MGST1: variants seen among roughly 807,000 people sequenced by gnomAD.
MGST1 encodes the protein glutathione S-transferase 12.
In MGST1, 5 loss-of-function variants were observed where a neutral mutation model predicts 8.9. That is an observed-to-expected ratio of 0.56 (90% confidence interval 0.29 to 1.19). The LOEUF (loss-of-function observed/expected upper bound fraction) is 1.19, where lower values mean the gene tolerates loss of function less well. Among genes scored for constraint, MGST1 ranks in the 50% most tolerant of loss-of-function variants. The pLI is 0.08. For synonymous variants in MGST1, 54 were observed against 67.8 expected (o/e 0.80, Z 1.00); for missense variants, 182 against 187.4 (o/e 0.97, Z 0.17).
At position 16,580,161 on chromosome 12, in the gene MGST1, T is replaced by G. The variant is rs576622424; in HGVS notation, n.483-9367T>G. On this transcript the variant is annotated intron_variant and non_coding_transcript_variant, in intron 4 of 4. Transcript: ENST00000538857. The stretch of plus-strand genomic sequence containing the variant: ...TTTATTTTTTAATAGAGATGGGATC[T>G]CTCTATGTTGCCCAGGCTGGCCTCC... Among the ~76,000 whole-genome samples the G allele has an allele frequency of 1.2e-4, 19 of 152,298 alleles. 1 individual carries two copies. The highest frequency in any genetic ancestry group is 3.4e-3 in the Middle Eastern group (1 of 294).
chr12:16,558,230 G>A (rs1184661720), intron 4 of MGST1, among the ~76,000 whole-genome samples: 1 of 151,974 alleles, frequency 6.6e-6, no homozygotes, highest in Non-Finnish European at 1.5e-5. Flanking sequence ...AACATGTATG[G>A]CTGGCTATAT....
Position 16,401,096 on chromosome 12 carries a change from C to T in MGST1, n.778+17492C>T. ...AAAAGGTCCTCTGCCTCATCTTTCT[C>T]CTCCTCCTCCTTTTCCTCATCTTCG... On this transcript the variant is annotated intron_variant and non_coding_transcript_variant, in intron 1 of 1. Coordinates refer to the MGST1 transcript ENST00000359720. This position sits in a 1 kb window ranked among gnomAD's most constrained non-coding sequence, Gnocchi z 4.3. 1 of 1,582,694 alleles carries T rather than the reference C, an allele frequency of 6.3e-7. No homozygotes were observed. The highest frequency in any genetic ancestry group is 8.7e-7 in the Non-Finnish European group (1 of 1,152,244).
intron 4 of MGST1, chr12:16,550,963 A>C: frequency 2.5e-6 from 1 of 392,658 alleles, no homozygotes; most frequent in Non-Finnish European, 4.6e-6. Flanking sequence ...TCTCATGCCA[A>C]GTGACACAAA....
At chr12:16,415,501 C>A (rs772098101) in intron 1 of MGST1, among the ~76,000 whole-genome samples, 5 of 152,206 alleles carry the variant, frequency 3.3e-5, no homozygotes, top group Non-Finnish European at 7.3e-5. Context: ...CCAGCCTACT[C>A]AACATGGAAA....
chr12:16,492,215 G>C (rs1469831596), intron 4 of MGST1, among the ~76,000 whole-genome samples: 1 of 152,086 alleles, frequency 6.6e-6, no homozygotes, highest in East Asian at 1.9e-4. Context: ...AAATAAAATA[G>C]GTGATAATGT....
At chr12:16,558,237 A>C (rs1438587662) in intron 4 of MGST1, among the ~76,000 whole-genome samples, 1 of 152,082 alleles carries the variant, frequency 6.6e-6, no homozygotes, top group East Asian at 1.9e-4. Context: ...ATGGCTGGCT[A>C]TATATCAAAA....
chr12:16,461,500 C>G (rs1941220887), intron 4 of MGST1, among the ~76,000 whole-genome samples: 2 of 152,046 alleles, frequency 1.3e-5, no homozygotes, highest in Admixed American at 1.3e-4. Flanking sequence ...TGTTTTAAAG[C>G]ATGTCAATTT....
intron 4 of MGST1, among the ~76,000 whole-genome samples, chr12:16,455,474 C>T (rs2137118034): frequency 6.6e-6 from 1 of 151,422 alleles, no homozygotes; most frequent in Middle Eastern, 3.4e-3. Flanking sequence ...CAGCACTTGG[C>T]AGGTATTTAA....
At chr12:16,429,840 G>C (rs111701157) in intron 1 of MGST1, among the ~76,000 whole-genome samples, 387 of 152,176 alleles carry the variant, frequency 2.5e-3, no homozygotes, top group African/African-American at 8.9e-3. Flanking sequence ...TTGAAAGTTG[G>C]GGTGGCTGTG....
chr12:16,584,209 C>A lies in MGST1; in HGVS notation n.483-5319C>A, dbSNP rs1943249352. On this transcript the variant is annotated intron_variant and non_coding_transcript_variant, in intron 4 of 4. Coordinates refer to the MGST1 transcript ENST00000538857. The surrounding 1 kb of genome is among the most constrained non-coding windows in gnomAD (Gnocchi z 5.2). ...GATGTACGAGTTTTGTTGGAGGATGCATTTTTTAGTAGTGAGTGGGGAGAG... is the reference window on the plus strand; with the variant it reads ...GATGTACGAGTTTTGTTGGAGGATGAATTTTTTAGTAGTGAGTGGGGAGAG... Among the ~76,000 whole-genome samples, 1 of 152,012 alleles carries A rather than the reference C, an allele frequency of 6.6e-6. No homozygotes were observed. The highest frequency in any genetic ancestry group is 1.5e-5 in the Non-Finnish European group (1 of 68,008).
downstream of MGST1, chr12:16,364,419 G>T (rs1295436659): frequency 1.0e-6 from 1 of 982,848 alleles, no homozygotes; most frequent in Non-Finnish European, 1.2e-6. The surrounding 1 kb of genome is among the most constrained non-coding windows in gnomAD (Gnocchi z 5.7). Context: ...GATTTTGTTT[G>T]GTTTTATTTT....
At chr12:16,522,056 T>C (rs567048877) in intron 4 of MGST1, among the ~76,000 whole-genome samples, 2 of 152,276 alleles carry the variant, frequency 1.3e-5, no homozygotes, top group South Asian at 4.1e-4. Flanking sequence ...AATTTAATTT[T>C]GCAGTCCCAA....
intron 1 of MGST1, 52 bp from the exon 2 acceptor site, chr12:16,354,179 T>C: frequency 7.7e-7 from 1 of 1,305,174 alleles, no homozygotes; most frequent in Non-Finnish European, 1.1e-6. Context: ...ATCTTCCAGT[T>C]ATTTTGGGTA....
intron 3 of MGST1, among the ~76,000 whole-genome samples, chr12:16,374,785 CTA>C (rs1270769997): frequency 2.0e-5 from 3 of 152,070 alleles, no homozygotes; most frequent in Non-Finnish European, 4.4e-5. Context: ...AGAAAAATCT[CTA>C]TATGTTACTA....
intron 4 of MGST1, among the ~76,000 whole-genome samples, chr12:16,455,791 T>C (rs1207125214): frequency 6.6e-6 from 1 of 151,892 alleles, no homozygotes; most frequent in Non-Finnish European, 1.5e-5. Flanking sequence ...TCCTTATTCC[T>C]AAAGTTTATG....
At chr12:16,433,365 G>A (rs1343597041) in intron 1 of MGST1, among the ~76,000 whole-genome samples, 1 of 151,894 alleles carries the variant, frequency 6.6e-6, no homozygotes, top group African/African-American at 2.4e-5. Flanking sequence ...ATAATACTTG[G>A]CATCCTTCAA....
chr12:16,509,637 C>T (rs1565466697), intron 4 of MGST1, among the ~76,000 whole-genome samples: 1 of 152,114 alleles, frequency 6.6e-6, no homozygotes, highest in East Asian at 1.9e-4. Flanking sequence ...ACCTTACATA[C>T]CAATTTTGAA....
At chr12:16,498,665 A>C (rs1483064753) in intron 4 of MGST1, among the ~76,000 whole-genome samples, 1 of 152,216 alleles carries the variant, frequency 6.6e-6, no homozygotes, top group African/African-American at 2.4e-5. Context: ...CTTGAAGAAC[A>C]AACATGCCAT....
chr12:16,476,510 T>C (rs916766100), intron 4 of MGST1, among the ~76,000 whole-genome samples: 4 of 152,184 alleles, frequency 2.6e-5, no homozygotes, highest in Non-Finnish European at 5.9e-5. Flanking sequence ...TAAACAAAGA[T>C]GACCAAGACA....
Sources: gnomAD v4.1 joint callset for allele counts (sites outside exome capture counted in the v4.1 genomes callset) on GRCh38, gnomAD v4.1.1 for gene constraint, Gnocchi (gnomAD v3.1) non-coding constraint, MANE v1.5 for transcripts, NCBI Gene and HGNC (gene_info 2026-07-23, HGNC 2026-07-21) for gene names.